Variants in NSMCE2 observed in about 807,000 individuals in gnomAD.
NSMCE2 encodes the protein E3 SUMO-protein ligase NSE2.
In NSMCE2, 24 loss-of-function variants were observed where a neutral mutation model predicts 23.8. That is an observed-to-expected ratio of 1.01 (90% CI 0.73 to 1.42). The LOEUF (loss-of-function observed/expected upper bound fraction) is 1.42, where lower values mean the gene tolerates loss of function less well. NSMCE2 is among the 40% of genes most tolerant of loss of function. The pLI, the probability that NSMCE2 is intolerant of heterozygous loss-of-function variation, is 0.00. For missense variants in NSMCE2, 284 were observed against 296.5 expected (o/e 0.96, Z 0.31); for synonymous variants, 92 against 94.1 (o/e 0.98, Z 0.13).
At chr8:125,146,300 G>C (rs2130650843) in intron 3 of NSMCE2, among the ~76,000 whole-genome samples, 1 of 152,312 alleles carries the variant, frequency 6.6e-6, no homozygotes, top group African/African-American at 2.4e-5. Flanking sequence ...CAGTTAGAAA[G>C]CCAGAGTGGG....
At chr8:125,205,053 C>G (rs1199784771) in intron 5 of NSMCE2, among the ~76,000 whole-genome samples, 3 of 152,328 alleles carry the variant, frequency 2.0e-5, no homozygotes, top group Admixed American at 2.0e-4. Context: ...AATCCAAACA[C>G]TTAACATTCC....
chr8:125,100,129 TTGCAAAATTTCTATTCTGAC>T, intron 1 of NSMCE2, among the ~76,000 whole-genome samples: 1 of 151,918 alleles, frequency 6.6e-6, no homozygotes, highest in South Asian at 2.1e-4. Context: ...CGGTGGGAGC[TTGCAAAATTTCTATTCTGAC>T]TGCTTCTGTT....
At chr8:125,209,632 C>G (rs1161504721) in intron 5 of NSMCE2, among the ~76,000 whole-genome samples, 1 of 152,132 alleles carries the variant, frequency 6.6e-6, no homozygotes, top group Non-Finnish European at 1.5e-5. Context: ...TAGTTTTTCT[C>G]TGTTAAAATG....
intron 4 of NSMCE2, among the ~76,000 whole-genome samples, chr8:125,171,635 A>G (rs1292294850): frequency 6.6e-6 from 1 of 152,194 alleles, no homozygotes; most frequent in Non-Finnish European, 1.5e-5. Context: ...TTCTGATCAG[A>G]TTACAGCATT....
chr8:125,360,277 C>T (rs1813473841), intron 7 of NSMCE2, among the ~76,000 whole-genome samples: 1 of 152,158 alleles, frequency 6.6e-6, no homozygotes, highest in Non-Finnish European at 1.5e-5. Flanking sequence ...GTTTTGCAGT[C>T]AGGGGAGGAC....
At chr8:125,099,373 A>G (rs1586420368) in intron 1 of NSMCE2, among the ~76,000 whole-genome samples, 1 of 152,086 alleles carries the variant, frequency 6.6e-6, no homozygotes, top group Non-Finnish European at 1.5e-5. Flanking sequence ...GACCTAGTAG[A>G]TATCTAGGGG....
At chr8:125,206,651 A>G (rs996320087) in intron 5 of NSMCE2, among the ~76,000 whole-genome samples, 5 of 152,200 alleles carry the variant, frequency 3.3e-5, no homozygotes, top group Admixed American at 3.3e-4. Flanking sequence ...AAATGGTGAT[A>G]CCATCAAAAA....
chr8:125,219,848 T>C (rs532618490), intron 5 of NSMCE2, among the ~76,000 whole-genome samples: 1 of 152,298 alleles, frequency 6.6e-6, no homozygotes, highest in South Asian at 2.1e-4. Context: ...CAATATCAAG[T>C]AGGATTCATT....
At chr8:125,339,794 G>A (rs888300501) in intron 5 of NSMCE2, among the ~76,000 whole-genome samples, 3 of 152,012 alleles carry the variant, frequency 2.0e-5, no homozygotes, top group Non-Finnish European at 4.4e-5. Flanking sequence ...CCTCTCTCCT[G>A]GTGCCCGTCA....
intron 5 of NSMCE2, among the ~76,000 whole-genome samples, chr8:125,342,498 AGGAGG>A (rs1170549753): frequency 1.3e-5 from 2 of 151,238 alleles, no homozygotes; most frequent in East Asian, 3.9e-4. Flanking sequence ...AAAGTGGACA[AGGAGG>A]GGGTGGGTGA....
At chr8:125,298,615 G>C (rs988539146) in intron 5 of NSMCE2, among the ~76,000 whole-genome samples, 2 of 149,678 alleles carry the variant, frequency 1.3e-5, no homozygotes, top group African/African-American at 2.4e-5. Flanking sequence ...AGTTGTTATA[G>C]TAATTAAATG....
At chr8:125,162,432 A>G (rs906021151) in intron 4 of NSMCE2, among the ~76,000 whole-genome samples, 3 of 152,310 alleles carry the variant, frequency 2.0e-5, no homozygotes, top group African/African-American at 4.8e-5. Context: ...AAAGTGTCAT[A>G]TATGGTCCTG....
intron 5 of NSMCE2, among the ~76,000 whole-genome samples, chr8:125,200,008 T>C (rs1294725961): frequency 6.6e-6 from 1 of 152,222 alleles, no homozygotes; most frequent in Non-Finnish European, 1.5e-5. Flanking sequence ...CCTGCTTTTC[T>C]TGCTTTCCAT....
chr8:125,124,905 C>T (rs192724397), intron 3 of NSMCE2, among the ~76,000 whole-genome samples: 2 of 152,214 alleles, frequency 1.3e-5, no homozygotes, highest in African/African-American at 4.8e-5. Flanking sequence ...AGCAATTATC[C>T]TGCCTCAGCC....
At chr8:125,343,498 G>C (rs1055641627) in intron 5 of NSMCE2, among the ~76,000 whole-genome samples, 1 of 152,176 alleles carries the variant, frequency 6.6e-6, no homozygotes, top group Admixed American at 6.6e-5. Context: ...AATTAGCCAG[G>C]CGTGTTGGCA....
At chr8:125,201,944 G>A (rs1401141709) in intron 5 of NSMCE2, among the ~76,000 whole-genome samples, 3 of 152,014 alleles carry the variant, frequency 2.0e-5, no homozygotes, top group South Asian at 2.1e-4. Context: ...GCCTTCCTGC[G>A]AAGCTTCAGC....
At chr8:125,300,017 A>G (rs961597643) in intron 5 of NSMCE2, among the ~76,000 whole-genome samples, 4 of 151,094 alleles carry the variant, frequency 2.6e-5, no homozygotes, top group African/African-American at 9.7e-5. Flanking sequence ...CAGGGTTTCA[A>G]CATGTTGGCC....
At chr8:125,097,014 G>A (rs4870935) in intron 1 of NSMCE2, among the ~76,000 whole-genome samples, 52,188 of 151,934 alleles carry the variant, frequency 0.34, 11,278 homozygotes, top group African/African-American at 0.61. Flanking sequence ...CTGAATTTAT[G>A]TTTTTCCATC....
intron 4 of NSMCE2, among the ~76,000 whole-genome samples, chr8:125,156,633 A>G (rs1365409849): frequency 1.3e-5 from 2 of 152,202 alleles, no homozygotes; most frequent in Non-Finnish European, 2.9e-5. Context: ...TTGATATGCT[A>G]ACCTGAACAT....
Sources: allele counts gnomAD v4.1 joint callset (sites outside exome capture counted in the v4.1 genomes callset), GRCh38; gene constraint gnomAD v4.1.1; transcripts MANE v1.5; gene names NCBI Gene and HGNC (gene_info 2026-07-23, HGNC 2026-07-21).